Variants in KIAA1755 observed in about 807,000 individuals in gnomAD.
The protein encoded by KIAA1755 is KIAA1755.
In KIAA1755, 68 loss-of-function variants were observed where a neutral mutation model predicts 91.7. The ratio of observed to expected loss-of-function variants is 0.74; its 90% CI spans 0.61 to 0.91. The LOEUF is 0.91. KIAA1755 is among the 40% of genes least tolerant of loss of function. The pLI is 0.00. For synonymous variants in KIAA1755, 610 were observed against 604.6 expected (o/e 1.01, Z -0.13); for missense variants, 1,535 against 1,494.4 (o/e 1.03, Z -0.45).
intron 1 of KIAA1755, among the ~76,000 whole-genome samples, chr20:38,255,673 A>T (rs139331474): frequency 6.6e-6 from 1 of 152,268 alleles, no homozygotes; most frequent in East Asian, 1.9e-4. Flanking sequence ...TTCTGCTTTA[A>T]GTCCTTTTTA....
chr20:38,225,067 C>G (rs1377501359), intron 8 of KIAA1755, among the ~76,000 whole-genome samples: 1 of 152,170 alleles, frequency 6.6e-6, no homozygotes, highest in African/African-American at 2.4e-5. Flanking sequence ...GATCTTGGCT[C>G]ACTGCAATCT....
intron 2 of KIAA1755, 101 bp downstream of exon 2, chr20:38,245,828 G>T: frequency 8.9e-7 from 1 of 1,128,746 alleles, no homozygotes; most frequent in Non-Finnish European, 1.3e-6. Flanking sequence ...AGCTCCCCGT[G>T]AAACAAGACA....
chr20:38,231,279 TGTA>T lies in KIAA1755; in HGVS notation c.1791_1793del (p.Thr598del). 11 of 1,612,708 alleles carry T rather than the reference TGTA, an allele frequency of 6.8e-6. No individual in the cohort carries two copies. Among genetic ancestry groups the T allele is most frequent in the Non-Finnish European group, 7.6e-6 (9 of 1,179,694 alleles). On this transcript the variant is annotated inframe_deletion, in exon 5 of 14. Transcript: ENST00000279024. ...ACCATGGTGCCTCCCAGGCCCCCTCTGTAGTTGACACCAGAAGCAGGGGCCGCC... is the reference window on the plus strand; with the variant it reads ...ACCATGGTGCCTCCCAGGCCCCCTCTGTTGACACCAGAAGCAGGGGCCGCC...
At chr20:38,243,865 T>C (rs888182142) in intron 2 of KIAA1755, among the ~76,000 whole-genome samples, 33 of 152,118 alleles carry the variant, frequency 2.2e-4, no homozygotes, top group Non-Finnish European at 5.9e-5. Context: ...TGCTAAGCCA[T>C]GTGTTGTCAT....
rs1023577572 is a variant in KIAA1755 at position 38,228,409 on chromosome 20, C to G, written c.1872-169G>C. On this transcript the variant is annotated intron_variant, in intron 5 of 13. Coordinates refer to ENST00000279024, the MANE Select transcript of KIAA1755 (RefSeq NM_001029864.2). ...CCCTTCTAGGAAGCCCTCCGTGGTTCTTCTCCAGGCAGAGCCTTTTGCTTC... is the reference window on the plus strand; with the variant it reads ...CCCTTCTAGGAAGCCCTCCGTGGTTGTTCTCCAGGCAGAGCCTTTTGCTTC... 4.6e-5 allele frequency among the ~76,000 whole-genome samples: 7 copies of G among 152,322 alleles called. No individual in the cohort carries two copies. The East Asian group carries it at 1.2e-3, about 25-fold the overall frequency.
At chr20:38,249,261 G>A (rs2076206647) in intron 1 of KIAA1755, among the ~76,000 whole-genome samples, 1 of 152,174 alleles carries the variant, frequency 6.6e-6, no homozygotes, top group Non-Finnish European at 1.5e-5. Context: ...CATAGGTCAT[G>A]AGCCTCACGG....
chr20:38,230,116 G>C (rs2075833092), intron 5 of KIAA1755, among the ~76,000 whole-genome samples: 1 of 152,136 alleles, frequency 6.6e-6, no homozygotes, highest in Admixed American at 6.5e-5. Context: ...CTAGGGGCTG[G>C]GTCCCGAGGA....
rs373667620 is a variant in KIAA1755, at chr20:38,241,392, C to T, written c.739G>A (p.Gly247Arg). ...CGGGCTTGCTCCACCTTGATGAGTCCTGGATACTTGCTCCCATATGTCCTG... is the reference window on the plus strand; with the variant it reads ...CGGGCTTGCTCCACCTTGATGAGTCTTGGATACTTGCTCCCATATGTCCTG... ...KGRTYGSKYP[G>R]LIKVEQARCG... The change falls in exon 3 of 14, where the codon GGA (glycine) becomes AGA (arginine). Residue 247 changes from glycine to arginine, a missense_variant. Coordinates refer to ENST00000279024, the MANE Select transcript of KIAA1755 (RefSeq NM_001029864.2). 1.4e-5 allele frequency: 23 copies of T among 1,614,090 alleles called. No homozygotes were observed. In the African/African-American group the frequency reaches 2.1e-4, roughly 15 times the overall value.
intron 4 of KIAA1755, among the ~76,000 whole-genome samples, chr20:38,236,249 T>A (rs1447912708): frequency 2.6e-5 from 4 of 152,106 alleles, no homozygotes; most frequent in Non-Finnish European, 5.9e-5. Context: ...GGAGTCCATA[T>A]TTGGGCATGC....
chr20:38,221,877 C>G (rs2075665501), intron 10 of KIAA1755, among the ~76,000 whole-genome samples: 1 of 152,172 alleles, frequency 6.6e-6, no homozygotes, highest in Non-Finnish European at 1.5e-5. Flanking sequence ...CCAGGAATGT[C>G]TATAATTTAT....
In KIAA1755 at chr20:38,241,883, C is replaced by A; in HGVS notation, c.248G>T (p.Cys83Phe). 1 of 1,613,832 alleles carries A rather than the reference C, an allele frequency of 6.2e-7. No individual in the cohort carries two copies. Among genetic ancestry groups the A allele is most frequent in the Non-Finnish European group, 8.5e-7 (1 of 1,180,014 alleles). Residue 83 changes from cysteine (C) to phenylalanine (F), a missense_variant, in exon 3 of 14, where the codon TGT (cysteine) becomes TTT (phenylalanine). Cys to Phe is a radical substitution (Grantham distance 205). Coordinates refer to ENST00000279024, the MANE Select transcript of KIAA1755 (RefSeq NM_001029864.2). The stretch of plus-strand genomic sequence containing the variant: ...GTGGACCACAACTTCATCCCTCAGA[C>A]AGAGTGGCCAGCCCTCGTGTAAGAA... Reference protein sequence around the residue: ...CLFLHEGWPLCLRDEVVVHLA... With the variant: ...CLFLHEGWPLFLRDEVVVHLA...
rs536717332 is a variant in KIAA1755 at position 38,228,289 on chromosome 20, G to T, written c.1872-49C>A. 7 of 1,463,298 alleles carry T rather than the reference G, an allele frequency of 4.8e-6. No homozygotes were observed. The Admixed American group carries it at 1.4e-4, about 29-fold the overall frequency. 90.6% of individuals were successfully genotyped at this position (1,463,298 alleles called of 1,614,324 possible). A position where few individuals can be genotyped will look rare whatever the true frequency, so the allele number is the denominator to read the frequency against. On this transcript the variant is annotated intron_variant, in intron 5 of 13. Coordinates refer to ENST00000279024, the MANE Select transcript of KIAA1755 (RefSeq NM_001029864.2). ...CAGTCTTGCTGGATGGCCTCGGACAGGGGGCAGGACCTAGTGGAAGGTGAG... is the reference window on the plus strand; with the variant it reads ...CAGTCTTGCTGGATGGCCTCGGACATGGGGCAGGACCTAGTGGAAGGTGAG...
chr20:38,219,661 C>A lies in KIAA1755; in HGVS notation c.2525G>T (p.Arg842Leu), dbSNP rs202195739. ...SLLGKLELRV[R>L]LGRLEAAIHQ... ...AATGGCAGCTTCCAGGCGGCCCAGGCGGACACGGAGCTCCAGCTTCCCCAG... is the reference window on the plus strand; with the variant it reads ...AATGGCAGCTTCCAGGCGGCCCAGGAGGACACGGAGCTCCAGCTTCCCCAG... The change falls in exon 11 of 14, where the codon CGC becomes CTC. Residue 842 changes from arginine to leucine, a missense_variant. Transcript: ENST00000279024. The A allele has an allele frequency of 4.8e-5, 77 of 1,613,968 alleles. No homozygotes were observed. Among genetic ancestry groups the A allele is most frequent in the Non-Finnish European group, 6.3e-5 (74 of 1,180,012 alleles).
At chr20:38,250,845 A>AT (rs1159437793) in intron 1 of KIAA1755, among the ~76,000 whole-genome samples, 2 of 152,034 alleles carry the variant, frequency 1.3e-5, no homozygotes, top group Non-Finnish European at 2.9e-5. Flanking sequence ...GGGGGCGGCC[A>AT]TGTTACCAGG....
At position 38,260,541 on chromosome 20, in the gene KIAA1755, T is replaced by C. The variant is rs576258725; in HGVS notation, c.-41A>G. On this transcript the variant is annotated 5_prime_UTR_variant, in exon 1 of 14. Coordinates refer to ENST00000279024, the MANE Select transcript of KIAA1755 (RefSeq NM_001029864.2). The stretch of plus-strand genomic sequence containing the variant: ...GCGGCGGGCGGCGCGGCTCCTCTCC[T>C]GGGCGCGGGGTCTGTGGGTCCGCGG... 1.4e-6 allele frequency: 2 copies of C among 1,479,284 alleles called. No individual in the cohort carries two copies. The highest frequency in any genetic ancestry group is 1.4e-5 in the South Asian group (1 of 69,720). 91.6% of individuals were successfully genotyped at this position (1,479,284 alleles called of 1,614,324 possible).
At chr20:38,257,713 C>G (rs1043925541) in intron 1 of KIAA1755, among the ~76,000 whole-genome samples, 1 of 151,972 alleles carries the variant, frequency 6.6e-6, no homozygotes, top group Non-Finnish European at 1.5e-5. Context: ...CCATTCCTCA[C>G]GATGACACCA....
intron 4 of KIAA1755, among the ~76,000 whole-genome samples, chr20:38,236,528 G>A (rs1481749648): frequency 6.6e-6 from 1 of 152,216 alleles, no homozygotes; most frequent in Non-Finnish European, 1.5e-5. Flanking sequence ...GACAGGAAAG[G>A]AGGCTGCAAA....
chr20:38,235,937 C>T (rs1015680813), intron 4 of KIAA1755, among the ~76,000 whole-genome samples: 39 of 152,166 alleles, frequency 2.6e-4, no homozygotes, highest in African/African-American at 9.2e-4. Context: ...TGGAGCAGAT[C>T]TAGATCTTGA....
chr20:38,220,416 A>G (rs996505377), intron 10 of KIAA1755, among the ~76,000 whole-genome samples: 1 of 151,382 alleles, frequency 6.6e-6, no homozygotes, highest in Non-Finnish European at 1.5e-5. Flanking sequence ...CTGGGTTCCA[A>G]CGATTCTCCT....
Sources: allele counts gnomAD v4.1 joint callset (sites outside exome capture counted in the v4.1 genomes callset), GRCh38; gene constraint gnomAD v4.1.1; transcripts MANE v1.5; gene names NCBI Gene and HGNC (gene_info 2026-07-23, HGNC 2026-07-21).